The following TULP4 variants were observed in gnomAD, a reference collection of about 807,000 sequenced individuals.
TULP4 encodes tubby-related protein 4.
A neutral mutation model predicts 129.0 loss-of-function variants in TULP4; 16 were observed. The ratio of observed to expected loss-of-function variants is 0.12; its 90% CI spans 0.08 to 0.19. The LOEUF (loss-of-function observed/expected upper bound fraction) is 0.19. Ranked by LOEUF, TULP4 falls within the 10% of genes least tolerant of loss-of-function variation. TULP4 has a pLI of 1.00. For missense variants in TULP4, 1,842 were observed against 2,059.1 expected, an observed-to-expected ratio of 0.89 and a Z score of 2.04; for synonymous variants, 998 against 854.0, an observed-to-expected ratio of 1.17 and a Z score of -2.94.
At chr6:158,309,638 C>G (rs1359238853), upstream of TULP4, among the ~76,000 whole-genome samples, 1 of 152,128 alleles carries the variant, frequency 6.6e-6, no homozygotes, top group Non-Finnish European at 1.5e-5. Flanking sequence ...TCTGCAATCC[C>G]GGCACCTCGG....
intron 1 of TULP4, among the ~76,000 whole-genome samples, chr6:158,333,326 G>T (rs956698262): frequency 2.6e-5 from 4 of 152,204 alleles, no homozygotes; most frequent in Non-Finnish European, 4.4e-5. Context: ...ACATCGGAGA[G>T]CTTGCGCGAA....
intron 1 of TULP4, among the ~76,000 whole-genome samples, chr6:158,356,377 A>G (rs573089980): frequency 6.6e-6 from 1 of 152,320 alleles, no homozygotes; most frequent in Admixed American, 6.5e-5. Context: ...AGGGAAGAGA[A>G]TTTCACAAAT....
intron 1 of TULP4, among the ~76,000 whole-genome samples, chr6:158,340,040 T>C (rs937320986): frequency 6.6e-6 from 1 of 152,244 alleles, no homozygotes; most frequent in African/African-American, 2.4e-5. Flanking sequence ...GAGCTCAGGA[T>C]ACCTTAATTG....
At position 158,502,524 on chromosome 6, in the gene TULP4, C is replaced by T; in HGVS notation, c.2861C>T (p.Pro954Leu). The T allele has an allele frequency of 6.2e-7, 1 of 1,611,356 alleles. No homozygotes were observed. The highest frequency in any genetic ancestry group is 1.1e-5 in the South Asian group (1 of 91,062). Residue 954 changes from proline (P) to leucine (L), a missense_variant, in exon 13 of 14, where the codon CCC becomes CTC. Physicochemically the swap from Pro to Leu is moderately conservative, Grantham distance 98 (BLOSUM62 -3). Coordinates refer to ENST00000367097, the MANE Select transcript of TULP4 (RefSeq NM_020245.5). ...CTGACCGTCCCTCGCTACTCCATCC[C>T]CACCGGGGACCCACCCCCGTATCCT... Reference protein sequence around the residue: ...NRLTVPRYSIPTGDPPPYPEI... With the variant: ...NRLTVPRYSILTGDPPPYPEI...
intron 1 of TULP4, among the ~76,000 whole-genome samples, chr6:158,289,529 T>C (rs1018633187): frequency 2.0e-5 from 3 of 152,230 alleles, no homozygotes; most frequent in African/African-American, 7.2e-5. Flanking sequence ...ATAAGTTTTA[T>C]AACATTTTAT....
At chr6:158,253,159 T>A (rs1778176001) in intron 1 of TULP4, among the ~76,000 whole-genome samples, 2 of 152,252 alleles carry the variant, frequency 1.3e-5, no homozygotes, top group Admixed American at 1.3e-4. Context: ...GCTGTCTCGT[T>A]CTTTTGCCTG....
At chr6:158,296,705 A>G (rs1779040435) in intron 1 of TULP4, among the ~76,000 whole-genome samples, 1 of 151,848 alleles carries the variant, frequency 6.6e-6, no homozygotes, top group Non-Finnish European at 1.5e-5. Flanking sequence ...AAAGAGTACA[A>G]AGAGAGGAAT....
chr6:158,314,910 A>G (rs1779454438), intron 1 of TULP4, among the ~76,000 whole-genome samples: 1 of 152,222 alleles, frequency 6.6e-6, no homozygotes, highest in African/African-American at 2.4e-5. Flanking sequence ...GGGATTATGA[A>G]ATTCATGCAA....
chr6:158,317,186 G>T (rs113701788), intron 1 of TULP4, among the ~76,000 whole-genome samples: 4 of 151,648 alleles, frequency 2.6e-5, no homozygotes, highest in Admixed American at 1.3e-4. Context: ...TACTTTTTTG[G>T]TTTTTTTTGA....
At chr6:158,459,983 T>A (rs1442058603) in intron 5 of TULP4, among the ~76,000 whole-genome samples, 35 of 152,218 alleles carry the variant, frequency 2.3e-4, no homozygotes, top group Non-Finnish European at 1.5e-5. Context: ...AAGAATCTGA[T>A]TCACCAGGAT....
chr6:158,500,507 C>T (rs949166247), intron 12 of TULP4, among the ~76,000 whole-genome samples: 7 of 152,200 alleles, frequency 4.6e-5, no homozygotes, highest in African/African-American at 1.4e-4. Flanking sequence ...ACGGTACTTA[C>T]ACCATGCCTC....
intron 1 of TULP4, among the ~76,000 whole-genome samples, chr6:158,259,677 G>A (rs1368233269): frequency 6.6e-6 from 1 of 152,210 alleles, no homozygotes; most frequent in East Asian, 1.9e-4. Context: ...TCAGACATGA[G>A]TTCTGCAAGG....
intron 2 of TULP4, among the ~76,000 whole-genome samples, chr6:158,422,898 C>G (rs1343995409): frequency 6.6e-6 from 1 of 152,242 alleles, no homozygotes; most frequent in African/African-American, 2.4e-5. Context: ...GCCAGGAACA[C>G]CTGGGACAAG....
Position 158,493,611 on chromosome 6 carries a change from G to C in TULP4, c.1670G>C (p.Arg557Pro). 6.3e-7 allele frequency: 1 copy of C among 1,582,892 alleles called. No individual in the cohort carries two copies. Among genetic ancestry groups the C allele is most frequent in the East Asian group, 2.4e-5 (1 of 41,448 alleles). Reference sequence around the variant, plus strand: ...GCCCGCAAGTCACCCAAGCTGCCCCGGGCTGCTCAGGAGCTCTCCCGGTCC... The same window carrying C: ...GCCCGCAAGTCACCCAAGCTGCCCCCGGCTGCTCAGGAGCTCTCCCGGTCC... ...IEARKSPKLP[R>P]AAQELSRSPR... The change falls in exon 10 of 14, where the codon CGG becomes CCG. Residue 557 changes from arginine (R) to proline (P), a missense_variant. Arg to Pro is a moderately radical substitution (Grantham distance 103). This residue lies in a region of TULP4 where 456 missense variants were observed against 534.3 expected (regional missense o/e 0.85). Coordinates refer to ENST00000367097, the MANE Select transcript of TULP4 (RefSeq NM_020245.5). The surrounding 1 kb of genome is among the most constrained non-coding windows in gnomAD (Gnocchi z 4.4).
Position 158,506,558 on chromosome 6 carries a change from C to T in TULP4, c.4516-20C>T. The T allele has an allele frequency of 6.6e-7, 1 of 1,524,820 alleles. No individual in the cohort carries two copies. The highest frequency in any genetic ancestry group is 1.1e-5 in the South Asian group (1 of 89,156). 94.5% of individuals were successfully genotyped at this position (1,524,820 alleles called of 1,614,324 possible). On this transcript the variant is annotated intron_variant, in intron 13 of 13. Transcript: ENST00000367097. The stretch of plus-strand genomic sequence containing the variant: ...TTCACCTTATTCTTTAATGTCTTTG[C>T]TTCCCCTGCCCTCCTCCAGGTGATG...
chr6:158,461,750 CAAGTACATTTTCAGCAG>C (rs1562576417), intron 6 of TULP4, 21 bp downstream of exon 6: 1 of 1,609,336 alleles, frequency 6.2e-7, no homozygotes, highest in East Asian at 2.2e-5. Context: ...TCTCTGGAAA[CAAGTACATTTTCAGCAG>C]TATACTAGTG....
chr6:158,394,598 A>G (rs1397076686), intron 1 of TULP4, among the ~76,000 whole-genome samples: 1 of 151,766 alleles, frequency 6.6e-6, no homozygotes, highest in African/African-American at 2.4e-5. Flanking sequence ...CCTGGCTAAC[A>G]TGGTGAAACC....
At chr6:158,360,869 C>T (rs566416088) in intron 1 of TULP4, among the ~76,000 whole-genome samples, 2 of 152,246 alleles carry the variant, frequency 1.3e-5, no homozygotes, top group East Asian at 3.9e-4. Flanking sequence ...GTTATGCCAC[C>T]ATTAGCATAA....
At chr6:158,365,899 C>CTTTTTTTTT (rs5881257) in intron 1 of TULP4, among the ~76,000 whole-genome samples, 115 of 57,552 alleles carry the variant, frequency 2.0e-3, no homozygotes, top group South Asian at 4.3e-3. Flanking sequence ...CTTTTTCTTT[C>CTTTTTTTTT]TTTTTTTTTT....
Sources: allele counts gnomAD v4.1 joint callset (sites outside exome capture counted in the v4.1 genomes callset), GRCh38; gene constraint gnomAD v4.1.1; regional missense constraint gnomAD v4.1.1; non-coding constraint Gnocchi (gnomAD v3.1); transcripts MANE v1.5; gene names NCBI Gene and HGNC (gene_info 2026-07-23, HGNC 2026-07-21).